The following RAPGEF6 variants were observed in gnomAD, a reference collection of about 807,000 sequenced individuals.
RAPGEF6 encodes Rap guanine nucleotide exchange factor 6, also known as PDZ domain containing guanine nucleotide exchange factor (GEF) 2.
Under a neutral mutation model 171.4 loss-of-function variants are expected in RAPGEF6, and 56 were observed. The observed-to-expected ratio is 0.33, with a 90% CI of 0.26 to 0.41. The LOEUF is 0.41. Among genes scored for constraint, RAPGEF6 ranks in the 10% least tolerant of loss-of-function variants. RAPGEF6 has a pLI of 1.00. For synonymous variants in RAPGEF6, 692 were observed against 650.1 expected (o/e 1.06, Z -0.98); for missense variants, 1,674 against 1,921.4 (o/e 0.87, Z 2.41).
intron 19 of RAPGEF6, among the ~76,000 whole-genome samples, chr5:131,457,636 C>A (rs1753608509): frequency 6.6e-6 from 1 of 152,150 alleles, no homozygotes; most frequent in Admixed American, 6.5e-5. Flanking sequence ...ACATTCACAA[C>A]CAAATGTGGA....
intron 4 of RAPGEF6, among the ~76,000 whole-genome samples, chr5:131,567,663 C>T (rs907207047): frequency 3.9e-5 from 6 of 151,990 alleles, no homozygotes; most frequent in South Asian, 2.1e-4. Flanking sequence ...CTAGATTATA[C>T]GCCCTATCCT....
chr5:131,464,405 T>C, intron 17 of RAPGEF6, 124 bp from the exon 18 acceptor site: 1 of 715,894 alleles, frequency 1.4e-6, no homozygotes, highest in South Asian at 1.7e-5. Flanking sequence ...TTTCACAATA[T>C]TAACAGAAGT....
intron 4 of RAPGEF6, among the ~76,000 whole-genome samples, chr5:131,567,999 C>A (rs116008415): frequency 0.017 from 2,629 of 152,294 alleles, 56 homozygotes; most frequent in African/African-American, 0.045. Flanking sequence ...GACTCAGGCT[C>A]TAGTTCTCTC....
At chr5:131,493,867 G>T (rs889082719) in intron 13 of RAPGEF6, among the ~76,000 whole-genome samples, 4 of 152,136 alleles carry the variant, frequency 2.6e-5, no homozygotes, top group Admixed American at 1.3e-4. Flanking sequence ...TGACTCAAAT[G>T]ATAGTGGAGT....
chr5:131,430,754 A>G, intron 26 of RAPGEF6, 105 bp downstream of exon 26: 2 of 1,425,072 alleles, frequency 1.4e-6, no homozygotes, highest in South Asian at 2.4e-5. Context: ...AAAGGTTGTT[A>G]GAGAATGAAT....
At chr5:131,576,729 C>T (rs1199477780) in intron 4 of RAPGEF6, among the ~76,000 whole-genome samples, 2 of 152,212 alleles carry the variant, frequency 1.3e-5, no homozygotes, top group African/African-American at 2.4e-5. Context: ...ACTTATCAAT[C>T]CCTTCCTACT....
intron 1 of RAPGEF6, among the ~76,000 whole-genome samples, chr5:131,605,822 A>AG (rs1764525377): frequency 6.6e-6 from 1 of 151,946 alleles, no homozygotes; most frequent in Non-Finnish European, 1.5e-5. Flanking sequence ...TGAGGTCAGG[A>AG]GATCAAGACC....
chr5:131,587,254 C>A (rs566653828), intron 4 of RAPGEF6, among the ~76,000 whole-genome samples: 1 of 152,076 alleles, frequency 6.6e-6, no homozygotes, highest in Non-Finnish European at 1.5e-5. Context: ...GTATATACAA[C>A]AGAAATGTAT....
intron 1 of RAPGEF6, among the ~76,000 whole-genome samples, chr5:131,617,893 A>G (rs1765368662): frequency 6.6e-6 from 1 of 152,254 alleles, no homozygotes; most frequent in African/African-American, 2.4e-5. Flanking sequence ...TATTAAACAT[A>G]GAACTTATTG....
At chr5:131,615,357 G>C (rs1765199138) in intron 1 of RAPGEF6, among the ~76,000 whole-genome samples, 1 of 152,190 alleles carries the variant, frequency 6.6e-6, no homozygotes, top group African/African-American at 2.4e-5. Flanking sequence ...GCATGGAGTT[G>C]TGGAGTCTGT....
At chr5:131,529,462 C>CAGGGCCTT (rs1759215109) in intron 6 of RAPGEF6, among the ~76,000 whole-genome samples, 1 of 123,486 alleles carries the variant, frequency 8.1e-6, no homozygotes, top group Non-Finnish European at 1.7e-5. Context: ...GGCGACAGAG[C>CAGGGCCTT]GAGACTCTGT....
chr5:131,629,313 TAAAAG>T (rs1467118105), intron 1 of RAPGEF6, among the ~76,000 whole-genome samples: 1 of 149,724 alleles, frequency 6.7e-6, no homozygotes, highest in East Asian at 2.0e-4. Flanking sequence ...GACTATCACT[TAAAAG>T]AAAAAAAAAA....
intron 15 of RAPGEF6, among the ~76,000 whole-genome samples, chr5:131,480,789 A>T (rs1318777982): frequency 6.7e-6 from 1 of 148,770 alleles, no homozygotes; most frequent in Non-Finnish European, 1.5e-5. Context: ...TAATTTTGGT[A>T]ATTTTAATTT....
intron 4 of RAPGEF6, among the ~76,000 whole-genome samples, chr5:131,572,961 G>A (rs1039491968): frequency 6.6e-6 from 1 of 152,072 alleles, no homozygotes; most frequent in East Asian, 1.9e-4. Flanking sequence ...ATGGTCTGAG[G>A]TGCCTTACAT....
intron 1 of RAPGEF6, among the ~76,000 whole-genome samples, chr5:131,616,560 A>C (rs1436801416): frequency 6.6e-6 from 1 of 152,176 alleles, no homozygotes; most frequent in African/African-American, 2.4e-5. Context: ...TGCTTAAAAA[A>C]TTTTTGCATT....
intron 1 of RAPGEF6, among the ~76,000 whole-genome samples, chr5:131,618,463 C>A (rs1765406168): frequency 6.6e-6 from 1 of 151,900 alleles, no homozygotes; most frequent in African/African-American, 2.4e-5. Context: ...GAAACCCCAT[C>A]TCTACTTTAA....
chr5:131,509,271 T>C (rs1039809192), intron 8 of RAPGEF6, among the ~76,000 whole-genome samples: 10 of 152,088 alleles, frequency 6.6e-5, no homozygotes, highest in African/African-American at 2.2e-4. Flanking sequence ...TGGTCAGGCG[T>C]GGTGGCTCAC....
At chr5:131,612,193 C>T (rs1462468378) in intron 1 of RAPGEF6, among the ~76,000 whole-genome samples, 2 of 144,108 alleles carry the variant, frequency 1.4e-5, no homozygotes, top group African/African-American at 2.5e-5. Flanking sequence ...CACCACCATG[C>T]TCAGCTAATT....
chr5:131,465,464 T>C (rs929457408), intron 17 of RAPGEF6, among the ~76,000 whole-genome samples: 3 of 152,166 alleles, frequency 2.0e-5, no homozygotes, highest in Non-Finnish European at 2.9e-5. Context: ...AATAAATTAC[T>C]GTTGCAAAAG....
Sources: gnomAD v4.1 joint callset for allele counts (sites outside exome capture counted in the v4.1 genomes callset) on GRCh38, gnomAD v4.1.1 for gene constraint, MANE v1.5 for transcripts, NCBI Gene and HGNC (gene_info 2026-07-23, HGNC 2026-07-21) for gene names.